The following KDM5A variants were observed in gnomAD, a reference collection of about 807,000 sequenced individuals.
The protein encoded by KDM5A is lysine-specific demethylase 5A.
In KDM5A, 42 loss-of-function variants were observed where a neutral mutation model predicts 193.5. The ratio of observed to expected loss-of-function variants is 0.22; its 90% CI spans 0.17 to 0.28. KDM5A has a LOEUF of 0.28. Ranked by LOEUF, KDM5A falls within the 10% of genes least tolerant of loss-of-function variation. The pLI, the probability that KDM5A is intolerant of heterozygous loss-of-function variation, is 1.00. For synonymous variants in KDM5A, 796 were observed against 718.1 expected (o/e 1.11, Z -1.73); for missense variants, 1,692 against 2,055.1 (o/e 0.82, Z 3.42).
At chr12:331,783 A>G in intron 13 of KDM5A, 36 bp downstream of exon 13, 2 of 1,612,796 alleles carry the variant, frequency 1.2e-6, no homozygotes, top group Admixed American at 3.3e-5. Flanking sequence ...TAGGGGGGTT[A>G]GTAGACGTAC....
chr12:350,594 TA>T (rs556879563), intron 10 of KDM5A, 26 bp downstream of exon 10: 1 of 1,613,408 alleles, frequency 6.2e-7, no homozygotes, highest in African/African-American at 1.3e-5. Flanking sequence ...AGCTTGGGGG[TA>T]AGCAAAAGTT....
chr12:288,146 C>T (rs902734167), intron 27 of KDM5A, among the ~76,000 whole-genome samples: 1 of 152,150 alleles, frequency 6.6e-6, no homozygotes, highest in African/African-American at 2.4e-5. Context: ...CTGAGTTCTA[C>T]TTTTGTGTGA....
chr12:381,201 T>C (rs1013180310), intron 3 of KDM5A, among the ~76,000 whole-genome samples: 7 of 151,068 alleles, frequency 4.6e-5, no homozygotes, highest in Non-Finnish European at 1.0e-4. Context: ...TCCATGTTGG[T>C]TGGGTTGGTC....
At chr12:308,568 G>A (rs1943543076) in intron 22 of KDM5A, among the ~76,000 whole-genome samples, 1 of 152,188 alleles carries the variant, frequency 6.6e-6, no homozygotes, top group African/African-American at 2.4e-5. Flanking sequence ...TTGACGATCA[G>A]TTGTAACAAC....
intron 11 of KDM5A, 30 bp downstream of exon 11, chr12:334,211 C>A (rs1173157299): frequency 6.3e-7 from 1 of 1,589,568 alleles, no homozygotes. Context: ...TAGTAGAGTT[C>A]ATGCATGCTG....
chr12:296,281 C>CATT (rs1943371748), intron 25 of KDM5A, among the ~76,000 whole-genome samples: 2 of 147,802 alleles, frequency 1.4e-5, no homozygotes, highest in South Asian at 2.1e-4. Context: ...AAGATCACGC[C>CATT]ATTGCACTCC....
intron 18 of KDM5A, among the ~76,000 whole-genome samples, chr12:318,836 G>C (rs545967987): frequency 6.6e-6 from 1 of 152,290 alleles, no homozygotes; most frequent in Admixed American, 6.5e-5. Context: ...TTAGTGTCAA[G>C]CGCTCTGAAA....
Position 389,073 on chromosome 12 carries a change from C to G in KDM5A, c.19G>C (p.Gly7Arg), listed in dbSNP as rs1944690710. ...GGCACGAACTCCGCCGCGTAGCCCC[C>G]CGGCCCCACGCCCGCCATTGCAACG... MAGVGP[G>R]GYAAEFVPPP... is the part of the protein sequence containing the mutation. The change falls in exon 1 of 28, where the codon GGG becomes CGG. Residue 7 changes from glycine to arginine, a missense_variant. Physicochemically the swap from Gly to Arg is moderately radical, Grantham distance 125 (BLOSUM62 -2). Around this residue, in one of 11 missense-constraint regions of KDM5A, gnomAD observed 84 missense variants for 68.2 expected, o/e 1.23. Coordinates refer to ENST00000399788, the MANE Select transcript of KDM5A (RefSeq NM_001042603.3). The G allele has an allele frequency of 1.2e-6, 2 of 1,610,704 alleles. No individual in the cohort carries two copies. The highest frequency in any genetic ancestry group is 1.1e-5 in the South Asian group (1 of 90,926).
chr12:285,798 G>A, intron 27 of KDM5A, 136 bp from the exon 28 acceptor site: 5 of 781,814 alleles, frequency 6.4e-6, no homozygotes, highest in Non-Finnish European at 1.1e-5. Context: ...TTCTTATGGG[G>A]TTATTTTTTA....
intron 10 of KDM5A, among the ~76,000 whole-genome samples, chr12:344,953 T>C (rs1219693897): frequency 6.6e-6 from 1 of 152,152 alleles, no homozygotes; most frequent in Non-Finnish European, 1.5e-5. Flanking sequence ...AATGCCCCAA[T>C]TAAAAGACAT....
chr12:300,997 G>C (rs1240058797), intron 24 of KDM5A, among the ~76,000 whole-genome samples: 1 of 152,176 alleles, frequency 6.6e-6, no homozygotes, highest in East Asian at 1.9e-4. Flanking sequence ...TTGAATCCCT[G>C]AATAGACCAA....
intron 10 of KDM5A, among the ~76,000 whole-genome samples, chr12:346,065 T>C (rs1223960999): frequency 6.6e-6 from 1 of 151,850 alleles, no homozygotes; most frequent in East Asian, 1.9e-4. Context: ...ATAGATGCAA[T>C]AAAAAATGAT....
At chr12:368,024 C>G (rs776523871) in intron 3 of KDM5A, among the ~76,000 whole-genome samples, 1 of 152,034 alleles carries the variant, frequency 6.6e-6, no homozygotes. Context: ...AAAACAGAAC[C>G]CAAAAGTTTA....
chr12:349,176 A>C (rs1944117639), intron 10 of KDM5A, among the ~76,000 whole-genome samples: 1 of 151,772 alleles, frequency 6.6e-6, no homozygotes, highest in African/African-American at 2.4e-5. Flanking sequence ...ATGTGCCACC[A>C]CGCCCAGTTA....
At position 327,041 on chromosome 12, in the gene KDM5A, G is replaced by C. The variant is rs192006118; in HGVS notation, c.1968+1794C>G. ...ACGGGAAAACCACTGAAGATTCTTA[G>C]TAAAGGTAAAATGAAAACTTTTCTT... On this transcript the variant is annotated intron_variant, in intron 14 of 27. Transcript: ENST00000399788. Among the ~76,000 whole-genome samples, 367 of 152,200 alleles carry C rather than the reference G, an allele frequency of 2.4e-3. 1 individual carries two copies. Among genetic ancestry groups the C allele is most frequent in the Admixed American group, 2.0e-3 (30 of 15,290 alleles).
At chr12:287,688 C>T (rs1180985438) in intron 27 of KDM5A, among the ~76,000 whole-genome samples, 3 of 152,034 alleles carry the variant, frequency 2.0e-5, no homozygotes, top group African/African-American at 7.2e-5. Flanking sequence ...GTTTGAGATA[C>T]CATGCTTTTT....
intron 14 of KDM5A, among the ~76,000 whole-genome samples, chr12:325,346 T>C (rs568500573): frequency 1.2e-4 from 18 of 152,198 alleles, no homozygotes; most frequent in Non-Finnish European, 1.8e-4. Context: ...TTTCCCAAAG[T>C]GTACTCCAAG....
chr12:368,238 G>T (rs772632387), intron 3 of KDM5A, among the ~76,000 whole-genome samples: 8 of 152,134 alleles, frequency 5.3e-5, no homozygotes, highest in Non-Finnish European at 8.8e-5. Flanking sequence ...AAGCATAATA[G>T]AAGTTGCCAG....
intron 1 of KDM5A, chr12:388,211 G>C (rs190527431): frequency 6.7e-6 from 3 of 449,942 alleles, no homozygotes; most frequent in African/African-American, 2.0e-5. Flanking sequence ...TCCACACAAG[G>C]GATAGTATCT....
Sources: allele counts gnomAD v4.1 joint callset (sites outside exome capture counted in the v4.1 genomes callset), GRCh38; gene constraint gnomAD v4.1.1; regional missense constraint gnomAD v4.1.1; transcripts MANE v1.5; gene names NCBI Gene and HGNC (gene_info 2026-07-23, HGNC 2026-07-21).